Variants in MAPK6 observed in about 807,000 individuals in gnomAD.
MAPK6 encodes mitogen-activated protein kinase 6.
Under a neutral mutation model 59.3 loss-of-function variants are expected in MAPK6, and 19 were observed. The ratio of observed to expected loss-of-function variants is 0.32; its 90% confidence interval spans 0.22 to 0.47. The LOEUF is 0.47. Ranked by LOEUF, MAPK6 falls within the 20% of genes least tolerant of loss-of-function variation. The pLI, the probability that MAPK6 is intolerant of heterozygous loss-of-function variation, is 1.00. For missense variants in MAPK6, 724 were observed against 847.9 expected (o/e 0.85, Z 1.81); for synonymous variants, 316 against 290.3 (o/e 1.09, Z -0.90).
intron 3 of MAPK6, among the ~76,000 whole-genome samples, chr15:52,010,641 C>G (rs1246278819): frequency 6.6e-6 from 1 of 151,820 alleles, no homozygotes; most frequent in East Asian, 1.9e-4. Flanking sequence ...GCCTCAGCCT[C>G]CTGAGTAGCT....
At chr15:52,032,293 C>T (rs773335562) in intron 1 of MAPK6, among the ~76,000 whole-genome samples, 3 of 147,220 alleles carry the variant, frequency 2.0e-5, no homozygotes, top group East Asian at 2.0e-4. Flanking sequence ...CTGGTTTAAG[C>T]GATTCTCCTG....
rs1258653826 is a variant in MAPK6, at chr15:52,065,213, CTAGAGCAAAA to C, written c.*216_*225del. The C allele has an allele frequency of 2.1e-6, 1 of 476,372 alleles. No individual in the cohort carries two copies. Among genetic ancestry groups the C allele is most frequent in the Non-Finnish European group, 3.6e-6 (1 of 275,230 alleles). The allele number at this position is 476,372 out of a possible 1,614,324, so 29.5% of individuals were successfully genotyped here. On this transcript the variant is annotated 3_prime_UTR_variant, in exon 6 of 6. Coordinates refer to ENST00000261845, the MANE Select transcript of MAPK6 (RefSeq NM_002748.4). ...TGTCATTTGCACACAAAAATAAAGA[CTAGAGCAAAA>C]TAATGCAACGCAGGAGGAGAAAAGA...
At chr15:52,024,408 T>C (rs532820239) in intron 1 of MAPK6, among the ~76,000 whole-genome samples, 49 of 151,234 alleles carry the variant, frequency 3.2e-4, no homozygotes, top group Admixed American at 6.6e-4. Flanking sequence ...TTTTCTTTTT[T>C]TTTTTTTTTG....
intron 1 of MAPK6, among the ~76,000 whole-genome samples, chr15:51,975,922 A>G (rs779283643): frequency 1.3e-5 from 2 of 151,860 alleles, no homozygotes; most frequent in Admixed American, 6.6e-5. Flanking sequence ...GGGTCCCACA[A>G]TGGGTGCTAT....
intron 3 of MAPK6, among the ~76,000 whole-genome samples, chr15:52,008,966 G>T (rs2029981913): frequency 6.6e-6 from 1 of 152,186 alleles, no homozygotes; most frequent in South Asian, 2.1e-4. Flanking sequence ...TAAATGGGAG[G>T]TGAGAGGCAG....
chr15:52,046,756 C>T lies in MAPK6; in HGVS notation c.296C>T (p.Thr99Met), dbSNP rs554991448. The T allele has an allele frequency of 4.3e-6, 7 of 1,614,120 alleles. No individual in the cohort carries two copies. Among genetic ancestry groups the T allele is most frequent in the East Asian group, 4.5e-5 (2 of 44,890 alleles). The part of the protein sequence containing the change: ...SQLTDDVGSL[T>M]ELNSVYIVQE... ...TTAACAGACGATGTGGGCTCTCTTA[C>T]GGAACTGAACAGTGTTTACATTGTT... Residue 99 changes from threonine (T) to methionine (M), a missense_variant, in exon 2 of 6, where the codon ACG (threonine) becomes ATG (methionine). Coordinates refer to ENST00000261845, the MANE Select transcript of MAPK6 (RefSeq NM_002748.4).
rs76242895 is a variant in MAPK6 at position 51,977,943 on chromosome 15, C to T, written c.-879-5263C>T. Among the ~76,000 whole-genome samples the T allele has an allele frequency of 1.4e-4, 22 of 151,920 alleles. No individual in the cohort carries two copies. The East Asian group carries it at 4.1e-3, about 28-fold the overall frequency. On this transcript the variant is annotated intron_variant, in intron 1 of 7. Transcript: ENST00000691380. ...GTAACCAGGAGACCATAAATGGGTG[C>T]TGTGGCATAGTACACTAAGTTTTGA...
chr15:51,992,303 A>C (rs140020465), intron 2 of MAPK6, among the ~76,000 whole-genome samples: 28 of 92,804 alleles, frequency 3.0e-4, no homozygotes, highest in African/African-American at 1.1e-3. Context: ...ATATATATAT[A>C]TATTTTTTTT....
At position 52,064,141 on chromosome 15, in the gene MAPK6, G is replaced by A; in HGVS notation, c.1307G>A (p.Cys436Tyr). Reference sequence around the variant, plus strand: ...TCAGATCATCATGAAAACAAATATTGTGATCTGGAGTGTAGCCATACTTGT... The same window carrying A: ...TCAGATCATCATGAAAACAAATATTATGATCTGGAGTGTAGCCATACTTGT... Reference protein sequence around the residue: ...QYSDHHENKYCDLECSHTCNY... With the variant: ...QYSDHHENKYYDLECSHTCNY... The change falls in exon 6 of 6, where the codon TGT (cysteine) becomes TAT (tyrosine). Residue 436 changes from cysteine to tyrosine, a missense_variant. Transcript: ENST00000261845. The A allele has an allele frequency of 6.2e-7, 1 of 1,612,472 alleles. No individual in the cohort carries two copies. Among genetic ancestry groups the A allele is most frequent in the Non-Finnish European group, 8.5e-7 (1 of 1,179,234 alleles).
At chr15:51,998,292 C>T (rs576141072) in intron 2 of MAPK6, among the ~76,000 whole-genome samples, 55 of 152,138 alleles carry the variant, frequency 3.6e-4, no homozygotes, top group African/African-American at 1.2e-3. Context: ...GCAACCCCCA[C>T]CTCCCGAGTT....
intron 4 of MAPK6, among the ~76,000 whole-genome samples, chr15:52,059,762 A>C (rs2032125461): frequency 6.6e-6 from 1 of 152,216 alleles, no homozygotes; most frequent in Non-Finnish European, 1.5e-5. Flanking sequence ...TGGTGGTCAC[A>C]TGTGGCAGCA....
chr15:51,986,094 T>C (rs2057190362), intron 2 of MAPK6, among the ~76,000 whole-genome samples: 1 of 152,192 alleles, frequency 6.6e-6, no homozygotes, highest in African/African-American at 2.4e-5. Flanking sequence ...TTCTGCAGGC[T>C]GTACAGGAAG....
upstream of MAPK6, among the ~76,000 whole-genome samples, chr15:52,015,794 A>G: frequency 6.8e-6 from 1 of 147,522 alleles, no homozygotes; most frequent in East Asian, 2.2e-4. Flanking sequence ...GTGGTGGCTC[A>G]CACCTGTAAT....
intron 4 of MAPK6, among the ~76,000 whole-genome samples, chr15:52,059,618 T>C (rs1303268920): frequency 6.6e-6 from 1 of 152,226 alleles, no homozygotes; most frequent in East Asian, 1.9e-4. Flanking sequence ...GTTGAAGCAT[T>C]TGTAACCTTG....
intron 1 of MAPK6, among the ~76,000 whole-genome samples, chr15:51,978,962 T>G (rs1382615245): frequency 6.6e-6 from 1 of 150,772 alleles, no homozygotes; most frequent in Non-Finnish European, 1.5e-5. Context: ...CACAAAAAAA[T>G]TAGCCAGGAA....
intron 2 of MAPK6, among the ~76,000 whole-genome samples, chr15:51,994,365 A>G (rs1361107706): frequency 6.6e-6 from 1 of 152,108 alleles, no homozygotes; most frequent in Non-Finnish European, 1.5e-5. Flanking sequence ...GGCTCATACC[A>G]GAGGCTGAGA....
intron 2 of MAPK6, among the ~76,000 whole-genome samples, chr15:51,983,357 G>A (rs563104283): frequency 9.9e-5 from 15 of 152,166 alleles, no homozygotes; most frequent in Non-Finnish European, 1.5e-5. Flanking sequence ...GTGGTGGCCT[G>A]TAATCCCAGC....
At position 52,064,222 on chromosome 15, in the gene MAPK6, A is replaced by G. The variant is rs1480971892; in HGVS notation, c.1388A>G (p.Glu463Gly). 6.2e-7 allele frequency: 1 copy of G among 1,611,488 alleles called. No homozygotes were observed. The highest frequency in any genetic ancestry group is 8.5e-7 in the Non-Finnish European group (1 of 1,179,444). ...YLDNLVWRES[E>G]VNHYYEPKLI... ...GATAACTTAGTTTGGAGAGAGAGTG[A>G]AGTTAACCATTACTATGAACCCAAG... Residue 463 changes from glutamate to glycine, a missense_variant, in exon 6 of 6, where the codon GAA (glutamate) becomes GGA (glycine). Coordinates refer to ENST00000261845, the MANE Select transcript of MAPK6 (RefSeq NM_002748.4).
intron 1 of MAPK6, among the ~76,000 whole-genome samples, chr15:51,981,075 G>A (rs954243947): frequency 6.6e-6 from 1 of 151,792 alleles, no homozygotes; most frequent in African/African-American, 2.4e-5. Context: ...TAAGATTCAA[G>A]TGTCATCTCC....
Sources: gnomAD v4.1 joint callset for allele counts (sites outside exome capture counted in the v4.1 genomes callset) on GRCh38, gnomAD v4.1.1 for gene constraint, MANE v1.5 for transcripts, NCBI Gene and HGNC (gene_info 2026-07-23, HGNC 2026-07-21) for gene names.